CCAR1: variants seen among roughly 807,000 people sequenced by gnomAD.
The protein encoded by CCAR1 is cell division cycle and apoptosis regulator 1.
CCAR1 carries 78 observed loss-of-function variants against 163.8 expected under a neutral mutation model. The observed-to-expected ratio is 0.48, with a 90% CI of 0.40 to 0.57. The LOEUF (loss-of-function observed/expected upper bound fraction) is 0.57. Among genes scored for constraint, CCAR1 ranks in the 20% least tolerant of loss-of-function variants. The pLI, the probability that CCAR1 is intolerant of heterozygous loss-of-function variation, is 0.00. For missense variants in CCAR1, 1,019 were observed against 1,365.2 expected (o/e 0.75, Z 4.00); for synonymous variants, 443 against 460.7 (o/e 0.96, Z 0.49).
At chr10:68,723,574 C>T (rs982424254) in intron 2 of CCAR1, among the ~76,000 whole-genome samples, 3 of 151,838 alleles carry the variant, frequency 2.0e-5, no homozygotes, top group African/African-American at 4.8e-5. Context: ...ATGGGCCGGG[C>T]GCGGTGACTC....
intron 18 of CCAR1, 55 bp from the exon 19 acceptor site, chr10:68,772,926 TATGGCAA>T (rs2056621169): frequency 1.1e-6 from 1 of 872,906 alleles, no homozygotes; most frequent in South Asian, 1.8e-5. Flanking sequence ...GCGTGGGCAA[TATGGCAA>T]AACCCCGTCT....
chr10:68,753,755 CT>C (rs1419168245), intron 10 of CCAR1, 96 bp from the exon 11 acceptor site: 1 of 894,636 alleles, frequency 1.1e-6, no homozygotes, highest in East Asian at 2.4e-5. Context: ...TTTCAGCTTA[CT>C]TTTTACTATA....
intron 17 of CCAR1, 135 bp from the exon 18 acceptor site, chr10:68,771,071 C>G (rs1382121101): frequency 1.6e-6 from 1 of 627,728 alleles, no homozygotes; most frequent in East Asian, 3.1e-5. Flanking sequence ...GAGCGAGACT[C>G]CATCTCAAAA....
intron 14 of CCAR1, 105 bp from the exon 15 acceptor site, chr10:68,757,183 CAATCTG>C: frequency 1.6e-6 from 1 of 621,230 alleles, no homozygotes; most frequent in Non-Finnish European, 2.8e-6. Context: ...TAGGAGAAGA[CAATCTG>C]AAACATTTGT....
chr10:68,728,352 C>A (rs2055978733), intron 2 of CCAR1, among the ~76,000 whole-genome samples: 1 of 150,752 alleles, frequency 6.6e-6, no homozygotes, highest in Admixed American at 6.6e-5. Flanking sequence ...CAAAAATAAT[C>A]CTGGAGGTTT....
intron 16 of CCAR1, among the ~76,000 whole-genome samples, chr10:68,765,355 T>A (rs966409826): frequency 3.3e-5 from 5 of 152,188 alleles, no homozygotes; most frequent in African/African-American, 1.2e-4. Context: ...CTACTGGCTG[T>A]TTTTTGGTTT....
rs369386113 is a variant in CCAR1 at position 68,788,380 on chromosome 10, G to A, written c.3187+52G>A. The A allele has an allele frequency of 7.8e-5, 103 of 1,318,276 alleles. No individual in the cohort carries two copies. The African/African-American group carries it at 1.1e-3, about 14-fold the overall frequency. 81.7% of individuals were successfully genotyped at this position (1,318,276 alleles called of 1,614,324 possible). Reference sequence around the variant, plus strand: ...TACTTTCAGCACCCTGCTGGGACACGTATATGTTTATGTGTGTACATACAT... The same window carrying A: ...TACTTTCAGCACCCTGCTGGGACACATATATGTTTATGTGTGTACATACAT... On this transcript the variant is annotated intron_variant, in intron 23 of 24. Transcript: ENST00000265872.
At chr10:68,730,257 A>G (rs1055985818) in intron 2 of CCAR1, among the ~76,000 whole-genome samples, 12 of 150,512 alleles carry the variant, frequency 8.0e-5, no homozygotes, top group African/African-American at 2.7e-4. Context: ...TGGTCAATAA[A>G]TTATGTTAAT....
At position 68,788,273 on chromosome 10, in the gene CCAR1, C is replaced by T. The variant is rs755253246; in HGVS notation, c.3132C>T (p.Ser1044=). ...VGSLLQKLEK[S]EKVRAEVEQK... is the part of the protein sequence containing the mutation. ...GCCTCTTGCAAAAATTGGAAAAGAGCGAAAAAGTAAGAGCTGAGGTAGAAC... is the reference window on the plus strand; with the variant it reads ...GCCTCTTGCAAAAATTGGAAAAGAGTGAAAAAGTAAGAGCTGAGGTAGAAC... Residue 1044 remains serine, a synonymous_variant, in exon 23 of 25, where the codon AGC becomes AGT. Coordinates refer to ENST00000265872, the MANE Select transcript of CCAR1 (RefSeq NM_018237.4). 1.3e-5 allele frequency: 20 copies of T among 1,596,036 alleles called. No individual in the cohort carries two copies. The highest frequency in any genetic ancestry group is 1.7e-4 in the Middle Eastern group (1 of 6,002).
At chr10:68,789,574 C>G (rs2056831435) in intron 23 of CCAR1, 136 bp from the exon 24 acceptor site, 1 of 606,740 alleles carries the variant, frequency 1.6e-6, no homozygotes, top group African/African-American at 1.9e-5. Context: ...TGCTTTATGA[C>G]TAATGAAATT....
intron 2 of CCAR1, among the ~76,000 whole-genome samples, chr10:68,723,575 G>A (rs1421334646): frequency 2.0e-5 from 3 of 151,936 alleles, no homozygotes; most frequent in East Asian, 1.9e-4. Flanking sequence ...TGGGCCGGGC[G>A]CGGTGACTCA....
In CCAR1 at chr10:68,737,498, C is replaced by CAA. The variant is rs1200590065; in HGVS notation, c.247-328_247-327dup. ...GGGAGGCAGAGCAAAACCCTGTGTC[C>CAA]AAAAAAAAAAAAAAAAAAAAGTAGT... On this transcript the variant is annotated intron_variant, in intron 3 of 24. Transcript: ENST00000265872. Among the ~76,000 whole-genome samples, 332 of 64,458 alleles carry CAA rather than the reference C, an allele frequency of 5.2e-3. 3 individuals carry two copies. Among genetic ancestry groups the CAA allele is most frequent in the African/African-American group, 0.012 (305 of 24,806 alleles). 42.3% of individuals were successfully genotyped at this position (64,458 alleles called of 152,430 possible). A position where few individuals can be genotyped will look rare whatever the true frequency, so the allele number is the denominator to read the frequency against.
At chr10:68,728,133 G>A (rs927170316) in intron 2 of CCAR1, among the ~76,000 whole-genome samples, 5 of 152,102 alleles carry the variant, frequency 3.3e-5, no homozygotes, top group South Asian at 4.2e-4. Flanking sequence ...CACTGTGCCC[G>A]GCCTTAGATC....
At position 68,773,051 on chromosome 10, in the gene CCAR1, G is replaced by A. The variant is rs771775546; in HGVS notation, c.2602G>A (p.Asp868Asn). 4 of 1,568,956 alleles carry A rather than the reference G, an allele frequency of 2.5e-6. No homozygotes were observed. In the East Asian group the frequency reaches 9.3e-5, roughly 36 times the overall value. Residue 868 changes from aspartate to asparagine, a missense_variant, in exon 19 of 25, where the codon GAT becomes AAT. Transcript: ENST00000265872. Reference protein sequence around the residue: ...DDETEEDNNQDEYDPMEAEEA... With the variant: ...DDETEEDNNQNEYDPMEAEEA... ...TGAAACTGAAGAAGATAACAATCAA[G>A]ATGAATATGACCCTATGGAAGCAGA...
intron 17 of CCAR1, among the ~76,000 whole-genome samples, 156 bp from the exon 18 acceptor site, chr10:68,771,049 GC>G (rs1330625163): frequency 6.6e-6 from 1 of 152,074 alleles, no homozygotes; most frequent in African/African-American, 2.4e-5. Flanking sequence ...CTGCACTCCA[GC>G]CTGGGCGACA....
chr10:68,743,941 G>A (rs1337149814), intron 6 of CCAR1, among the ~76,000 whole-genome samples: 1 of 152,014 alleles, frequency 6.6e-6, no homozygotes, highest in Admixed American at 6.6e-5. Context: ...AGTAGAGATG[G>A]GGTTTTACCA....
Position 68,771,064 on chromosome 10 carries a change from C to T in CCAR1, c.2299-142C>T, listed in dbSNP as rs192166073. ...CTGCACTCCAGCCTGGGCGACAGAG[C>T]GAGACTCCATCTCAAAAAAAAAAAA... is the stretch of plus-strand genomic sequence containing the variant. On this transcript the variant is annotated intron_variant, in intron 17 of 24. Coordinates refer to ENST00000265872, the MANE Select transcript of CCAR1 (RefSeq NM_018237.4). 3.9e-3 allele frequency: 2,191 copies of T among 567,554 alleles called. 6 individuals carry two copies. The highest frequency in any genetic ancestry group is 5.0e-3 in the Non-Finnish European group (1,713 of 341,938). The allele number at this position is 567,554 out of a possible 1,614,324, so 35.2% of individuals were successfully genotyped here. A position where few individuals can be genotyped will look rare whatever the true frequency, so the allele number is the denominator to read the frequency against.
chr10:68,725,976 G>A (rs1215494664), intron 2 of CCAR1, among the ~76,000 whole-genome samples: 1 of 151,970 alleles, frequency 6.6e-6, no homozygotes, highest in African/African-American at 2.4e-5. Flanking sequence ...AGCCAGGTGT[G>A]GTAGAGCACG....
At chr10:68,777,467 G>C (rs1433297383) in intron 19 of CCAR1, among the ~76,000 whole-genome samples, 2 of 151,988 alleles carry the variant, frequency 1.3e-5, no homozygotes, top group African/African-American at 4.8e-5. Flanking sequence ...TGGATAATTT[G>C]AGGCCAGGAG....
Sources: gnomAD v4.1 joint callset for allele counts (sites outside exome capture counted in the v4.1 genomes callset) on GRCh38, gnomAD v4.1.1 for gene constraint, MANE v1.5 for transcripts, NCBI Gene and HGNC (gene_info 2026-07-23, HGNC 2026-07-21) for gene names.